Variants in THBS4 observed in about 807,000 individuals in gnomAD.
THBS4 encodes thrombospondin-4.
In THBS4, 90 loss-of-function variants were observed where a neutral mutation model predicts 115.7. That is an observed-to-expected ratio of 0.78 (90% CI 0.66 to 0.93). The LOEUF (loss-of-function observed/expected upper bound fraction) is 0.93, where lower values mean the gene tolerates loss of function less well. Ranked by LOEUF, THBS4 falls within the 40% of genes least tolerant of loss-of-function variation. The pLI is 0.00. For missense variants in THBS4, 1,087 were observed against 1,232.7 expected, an observed-to-expected ratio of 0.88 and a Z score of 1.77; for synonymous variants, 460 against 479.3, an observed-to-expected ratio of 0.96 and a Z score of 0.53.
intron 16 of THBS4, among the ~76,000 whole-genome samples, 175 bp from the exon 17 acceptor site, chr5:80,077,874 C>T (rs1215232036): frequency 6.6e-6 from 1 of 152,158 alleles, no homozygotes; most frequent in African/African-American, 2.4e-5. Flanking sequence ...CAGAATGGGG[C>T]CTGGCACCAG....
At chr5:80,040,307 CT>C in intron 2 of THBS4, 27 bp downstream of exon 2, 1 of 1,557,812 alleles carries the variant, frequency 6.4e-7, no homozygotes, top group Non-Finnish European at 8.8e-7. Context: ...AAATTATTTT[CT>C]TAAAAATCTC....
At chr5:80,082,976 C>T in intron 21 of THBS4, 104 bp from the exon 22 acceptor site, 2 of 969,526 alleles carry the variant, frequency 2.1e-6, no homozygotes, top group Non-Finnish European at 3.2e-6. Flanking sequence ...GCGTCCTGGG[C>T]GGGCTAACAG....
intron 2 of THBS4, among the ~76,000 whole-genome samples, chr5:80,030,047 G>A (rs935358614): frequency 8.5e-5 from 12 of 141,324 alleles, no homozygotes; most frequent in African/African-American, 3.3e-4. Flanking sequence ...GACCTTATCT[G>A]TGCTAAGTAG....
intron 2 of THBS4, among the ~76,000 whole-genome samples, chr5:80,019,216 G>C (rs1009213832): frequency 6.6e-6 from 1 of 152,002 alleles, no homozygotes; most frequent in Non-Finnish European, 1.5e-5. Flanking sequence ...ACCAAATCAA[G>C]ACTATAGGAC....
rs17883913 is a variant in THBS4, at chr5:80,077,989, C to A, written c.2087-60C>A. On this transcript the variant is annotated intron_variant, in intron 16 of 21. Coordinates refer to ENST00000350881, the MANE Select transcript of THBS4 (RefSeq NM_003248.6). ...TTCCTCATGCAGCCCCCTTCCCTGC[C>A]AAGGAGTGGCGGTGGGTGTGAGCGC... 1.1e-3 allele frequency: 1,601 copies of A among 1,413,286 alleles called. 10 individuals are homozygous for A. The African/African-American group carries it at 0.021, about 18-fold the overall frequency. The allele number at this position is 1,413,286 out of a possible 1,614,324, so 87.5% of individuals were successfully genotyped here. A position where few individuals can be genotyped will look rare whatever the true frequency, so the allele number is the denominator to read the frequency against.
Position 80,082,430 on chromosome 5 carries a change from G to C in THBS4, c.2709G>C (p.Glu903Asp), listed in dbSNP as rs374700914. ...YIRVRFYEGS[E>D]LVADSGVTID... ...GGGTACGATTTTATGAAGGCTCTGA[G>C]TTGGTGGCTGACTCTGGCGTCACCA... Residue 903 changes from glutamate to aspartate, a missense_variant, in exon 21 of 22, where the codon GAG becomes GAC. Glu to Asp is a conservative substitution (Grantham distance 45). This residue lies in a region of THBS4 where 103 missense variants were observed against 108.2 expected (regional missense o/e 0.95). Transcript: ENST00000350881. 1 of 1,614,032 alleles carries C rather than the reference G, an allele frequency of 6.2e-7. No individual in the cohort carries two copies. Among genetic ancestry groups the C allele is most frequent in the Non-Finnish European group, 8.5e-7 (1 of 1,180,002 alleles).
chr5:80,040,213 C>A lies in THBS4; in HGVS notation c.225C>A (p.Phe75Leu), dbSNP rs541422494. The A allele has an allele frequency of 1.2e-6, 2 of 1,613,992 alleles. No homozygotes were observed. Among genetic ancestry groups the A allele is most frequent in the African/African-American group, 1.3e-5 (1 of 74,908 alleles). Reference protein sequence around the residue: ...KLQTKSSATIFGLYSSTDNSK... With the variant: ...KLQTKSSATILGLYSSTDNSK... ...AGACTAAAAGTTCAGCCACCATCTT[C>A]GGTCTTTACTCTTCAACTGACAACA... The change falls in exon 2 of 22, where the codon TTC becomes TTA. Residue 75 changes from phenylalanine to leucine, a missense_variant. Phe to Leu is a conservative substitution (Grantham distance 22). This residue lies in a region of THBS4 where 979 missense variants were observed against 1,103.7 expected (regional missense o/e 0.89). Coordinates refer to ENST00000350881, the MANE Select transcript of THBS4 (RefSeq NM_003248.6).
At chr5:80,016,038 G>A (rs1453424090) in intron 2 of THBS4, among the ~76,000 whole-genome samples, 4 of 152,128 alleles carry the variant, frequency 2.6e-5, no homozygotes, top group Non-Finnish European at 5.9e-5. Flanking sequence ...TGGACCAGAA[G>A]GGCTGTCTTT....
chr5:80,078,352 C>T, intron 17 of THBS4, 125 bp downstream of exon 17: 1 of 753,440 alleles, frequency 1.3e-6, no homozygotes, highest in Non-Finnish European at 2.0e-6. Flanking sequence ...GCTCTTATTC[C>T]TCAACAGCCC....
At chr5:80,074,748 G>A (rs1197395316) in intron 15 of THBS4, among the ~76,000 whole-genome samples, 1 of 151,796 alleles carries the variant, frequency 6.6e-6, no homozygotes, top group Non-Finnish European at 1.5e-5. Flanking sequence ...CACGTACCTG[G>A]GATTACAGGT....
At chr5:80,042,297 C>T (rs1003697857) in intron 2 of THBS4, among the ~76,000 whole-genome samples, 4 of 152,340 alleles carry the variant, frequency 2.6e-5, no homozygotes, top group South Asian at 2.1e-4. Context: ...AACCCAGCTA[C>T]TCAGTTTGTG....
At chr5:80,009,910 A>G (rs1832089218) in intron 2 of THBS4, among the ~76,000 whole-genome samples, 1 of 152,116 alleles carries the variant, frequency 6.6e-6, no homozygotes. Context: ...AAGCAAGAGG[A>G]TTGCTTGAAG....
At position 80,057,069 on chromosome 5, in the gene THBS4, C is replaced by A. The variant is rs369978194; in HGVS notation, c.540+1037C>A. 5.9e-5 allele frequency among the ~76,000 whole-genome samples: 9 copies of A among 152,034 alleles called. No individual in the cohort carries two copies. In the East Asian group the frequency reaches 1.3e-3, roughly 23 times the overall value. ...GAGGTTTTTGGGGATTTTTGTTTTT[C>A]AGTCATATATAGAGAGATTTTTAAT... On this transcript the variant is annotated intron_variant, in intron 3 of 21. Transcript: ENST00000350881.
chr5:80,063,470 C>G (rs1021490692), intron 8 of THBS4, among the ~76,000 whole-genome samples: 1 of 152,132 alleles, frequency 6.6e-6, no homozygotes, highest in Admixed American at 6.5e-5. Flanking sequence ...TAAAAATGTT[C>G]TCCCATTCTG....
Position 80,073,333 on chromosome 5 carries a change from G to C in THBS4, c.1892+6G>C. 2 of 1,613,536 alleles carry C rather than the reference G, an allele frequency of 1.2e-6. No individual in the cohort carries two copies. Among genetic ancestry groups the C allele is most frequent in the Non-Finnish European group, 1.7e-6 (2 of 1,179,818 alleles). ...TGTGACACCAATCAGGACAGGTATG[G>C]CATGTCTCCCAACTGCAGAGAGACA... On this transcript the variant is annotated splice_donor_region_variant and intron_variant, in intron 15 of 21. Coordinates refer to ENST00000350881, the MANE Select transcript of THBS4 (RefSeq NM_003248.6).
intron 6 of THBS4, 84 bp downstream of exon 6, chr5:80,059,575 A>G (rs1833555615): frequency 1.9e-6 from 3 of 1,594,474 alleles, no homozygotes; most frequent in Non-Finnish European, 1.7e-6. Flanking sequence ...TGTTGACCGC[A>G]GTTTCTGAAG....
At chr5:80,059,346 A>C in intron 5 of THBS4, 94 bp from the exon 6 acceptor site, 1 of 1,154,368 alleles carries the variant, frequency 8.7e-7, no homozygotes, top group Non-Finnish European at 1.2e-6. Flanking sequence ...AAAAAAAAAA[A>C]GTGTTACATA....
At chr5:80,077,688 A>C (rs777677415) in intron 16 of THBS4, among the ~76,000 whole-genome samples, 1 of 152,258 alleles carries the variant, frequency 6.6e-6, no homozygotes, top group Non-Finnish European at 1.5e-5. Context: ...TACACATTAC[A>C]GTCCAGAAAG....
intron 2 of THBS4, among the ~76,000 whole-genome samples, chr5:80,042,744 T>G (rs1186944852): frequency 6.6e-6 from 1 of 152,146 alleles, no homozygotes; most frequent in African/African-American, 2.4e-5. Flanking sequence ...GGCAGGCAGA[T>G]CACCTGAGGT....
Sources: allele counts gnomAD v4.1 joint callset (sites outside exome capture counted in the v4.1 genomes callset), GRCh38; gene constraint gnomAD v4.1.1; regional missense constraint gnomAD v4.1.1; transcripts MANE v1.5; gene names NCBI Gene and HGNC (gene_info 2026-07-23, HGNC 2026-07-21).